Variants in MTUS2 observed in about 807,000 individuals in gnomAD.
MTUS2 encodes the protein microtubule-associated tumor suppressor candidate 2.
A neutral mutation model predicts 114.1 loss-of-function variants in MTUS2; 40 were observed. The observed-to-expected ratio is 0.35, with a 90% confidence interval of 0.27 to 0.46. The LOEUF (loss-of-function observed/expected upper bound fraction) is 0.46. Among genes scored for constraint, MTUS2 ranks in the 20% least tolerant of loss-of-function variants. The pLI, the probability that MTUS2 is intolerant of heterozygous loss-of-function variation, is 1.00. For missense variants in MTUS2, 1,679 were observed against 1,705.4 expected (o/e 0.98, Z 0.27); for synonymous variants, 688 against 672.0 (o/e 1.02, Z -0.37).
At position 29,317,301 on chromosome 13, in the gene MTUS2, T is replaced by C. The variant is rs142170319; in HGVS notation, c.2807-7312T>C. 2.8e-3 allele frequency among the ~76,000 whole-genome samples: 432 copies of C among 152,340 alleles called. 3 individuals carry two copies. The highest frequency in any genetic ancestry group is 9.8e-3 in the African/African-American group (407 of 41,566). On this transcript the variant is annotated intron_variant, in intron 6 of 15. Coordinates refer to ENST00000612955, the MANE Select transcript of MTUS2 (RefSeq NM_001033602.4). ...TTCAGATTGTTTCTCCTATTAACTT[T>C]AGTGCCTCAATATCAGATATTCCTC...
At chr13:28,827,391 T>C (rs1434773269) in intron 1 of MTUS2, among the ~76,000 whole-genome samples, 1 of 152,230 alleles carries the variant, frequency 6.6e-6, no homozygotes, top group African/African-American at 2.4e-5. Context: ...TAGCAGATTT[T>C]GAAGTTATTT....
chr13:29,016,498 C>G (rs1387899522), intron 2 of MTUS2, among the ~76,000 whole-genome samples: 1 of 151,816 alleles, frequency 6.6e-6, no homozygotes, highest in Admixed American at 6.6e-5. Context: ...TCACCTTGGT[C>G]TAAACTAAGA....
chr13:29,054,892 A>G (rs1040525290), intron 4 of MTUS2, among the ~76,000 whole-genome samples: 10 of 151,576 alleles, frequency 6.6e-5, no homozygotes, highest in Non-Finnish European at 1.3e-4. Context: ...TTTCTTAGAT[A>G]CTCTTCTGTT....
intron 8 of MTUS2, among the ~76,000 whole-genome samples, chr13:29,414,878 T>G (rs1177582978): frequency 6.6e-6 from 1 of 151,962 alleles, no homozygotes; most frequent in Non-Finnish European, 1.5e-5. Flanking sequence ...ACTAGGTATT[T>G]AAGTCATTTA....
At chr13:29,233,217 T>G (rs1896402218) in intron 5 of MTUS2, among the ~76,000 whole-genome samples, 2 of 115,922 alleles carry the variant, frequency 1.7e-5, no homozygotes, top group African/African-American at 7.1e-5. Flanking sequence ...AGGGTTTTGG[T>G]TTTTGCATTT....
intron 5 of MTUS2, among the ~76,000 whole-genome samples, chr13:29,271,870 A>G (rs991033978): frequency 6.6e-6 from 1 of 152,202 alleles, no homozygotes; most frequent in Admixed American, 6.5e-5. Context: ...TGGATAGATG[A>G]TGTAAGGATT....
chr13:29,443,475 T>A (rs573990488), intron 9 of MTUS2, among the ~76,000 whole-genome samples: 2 of 152,284 alleles, frequency 1.3e-5, no homozygotes, highest in African/African-American at 4.8e-5. Flanking sequence ...TCTGCCTAAG[T>A]GCCAAGAATA....
At chr13:29,177,798 G>A (rs923177822) in intron 5 of MTUS2, among the ~76,000 whole-genome samples, 2 of 152,094 alleles carry the variant, frequency 1.3e-5, no homozygotes, top group South Asian at 4.1e-4. Flanking sequence ...TAGTAGCATC[G>A]TGGAGAAGCT....
At chr13:29,053,463 G>T (rs1310304157) in intron 4 of MTUS2, among the ~76,000 whole-genome samples, 1 of 152,156 alleles carries the variant, frequency 6.6e-6, no homozygotes, top group Non-Finnish European at 1.5e-5. Context: ...CAAATAGGAA[G>T]GTTCCAGTTT....
chr13:29,092,717 G>T (rs1031367278), intron 4 of MTUS2, among the ~76,000 whole-genome samples: 4 of 151,664 alleles, frequency 2.6e-5, no homozygotes, highest in Admixed American at 2.6e-4. Flanking sequence ...GCCAAGTGAG[G>T]CCCTGGGCAG....
chr13:28,886,980 TGCAAGGTACAGA>T (rs571109516), intron 2 of MTUS2, among the ~76,000 whole-genome samples: 58 of 152,286 alleles, frequency 3.8e-4, no homozygotes, highest in East Asian at 1.9e-3. Flanking sequence ...TCTGGAGTGG[TGCAAGGTACAGA>T]GCAAGGTACA....
At chr13:28,847,650 A>G (rs573548217) in intron 2 of MTUS2, among the ~76,000 whole-genome samples, 18 of 152,230 alleles carry the variant, frequency 1.2e-4, no homozygotes, top group African/African-American at 3.9e-4. Context: ...TAGTTCTTCC[A>G]TCTGTGACTC....
At chr13:29,180,256 T>C (rs1044317835) in intron 5 of MTUS2, among the ~76,000 whole-genome samples, 4 of 152,160 alleles carry the variant, frequency 2.6e-5, no homozygotes, top group African/African-American at 9.7e-5. Flanking sequence ...CAATCTTCCA[T>C]GAAACATGCA....
At chr13:29,446,438 A>G (rs1349706301) in intron 9 of MTUS2, among the ~76,000 whole-genome samples, 1 of 152,194 alleles carries the variant, frequency 6.6e-6, no homozygotes, top group African/African-American at 2.4e-5. Context: ...AACTTTGCAC[A>G]CATTTCTCTT....
chr13:29,480,159 C>T lies in MTUS2; in HGVS notation c.3194C>T (p.Thr1065Ile). ...TGTGCTTTGCGCCCAGCCTTCCATACAGCAAAGTGCGAGAAACTACAAAAG... is the reference window on the plus strand; with the variant it reads ...TGTGCTTTGCGCCCAGCCTTCCATATAGCAAAGTGCGAGAAACTACAAAAG... The part of the protein sequence containing the change: ...ANIRDEVAFH[T>I]AKCEKLQKEK... The change falls in exon 10 of 16, where the codon ACA (threonine) becomes ATA (isoleucine). Residue 1065 changes from threonine (T) to isoleucine (I), a missense_variant. Transcript: ENST00000612955. This position sits in a 1 kb window ranked among gnomAD's most constrained non-coding sequence, Gnocchi z 4.4. 2 of 1,553,502 alleles carry T rather than the reference C, an allele frequency of 1.3e-6. No homozygotes were observed. The highest frequency in any genetic ancestry group is 1.7e-6 in the Non-Finnish European group (2 of 1,147,964).
intron 6 of MTUS2, chr13:29,307,574 C>T: frequency 4.9e-6 from 6 of 1,236,420 alleles, no homozygotes; most frequent in Non-Finnish European, 7.1e-6. Context: ...AAGCAGGTGT[C>T]AGAGGGCCCC....
chr13:29,364,837 T>C (rs1469659886), intron 8 of MTUS2, among the ~76,000 whole-genome samples: 1 of 152,190 alleles, frequency 6.6e-6, no homozygotes, highest in Non-Finnish European at 1.5e-5. Context: ...ATCCAAAACA[T>C]GGTCATTTAA....
At chr13:28,969,315 G>A (rs977786584) in intron 2 of MTUS2, among the ~76,000 whole-genome samples, 2 of 152,086 alleles carry the variant, frequency 1.3e-5, no homozygotes, top group African/African-American at 4.8e-5. Flanking sequence ...GGGATATACA[G>A]TAGTGTCTCA....
intron 5 of MTUS2, among the ~76,000 whole-genome samples, chr13:29,140,550 TG>T (rs1417062829): frequency 6.6e-6 from 1 of 152,204 alleles, no homozygotes; most frequent in Non-Finnish European, 1.5e-5. Flanking sequence ...TGCTAGTGTT[TG>T]GTGGTGTTCT....
Sources: gnomAD v4.1 joint callset for allele counts (sites outside exome capture counted in the v4.1 genomes callset) on GRCh38, gnomAD v4.1.1 for gene constraint, Gnocchi (gnomAD v3.1) non-coding constraint, MANE v1.5 for transcripts, NCBI Gene and HGNC (gene_info 2026-07-23, HGNC 2026-07-21) for gene names.